MYO16: variants seen among roughly 807,000 people sequenced by gnomAD.
MYO16 encodes the protein myosin XVI.
Under a neutral mutation model 205.3 loss-of-function variants are expected in MYO16, and 94 were observed. That is an observed-to-expected ratio of 0.46 (90% confidence interval 0.39 to 0.54). The LOEUF (loss-of-function observed/expected upper bound fraction) is 0.54. Among genes scored for constraint, MYO16 ranks in the 20% least tolerant of loss-of-function variants. MYO16 has a pLI of 0.00. For missense variants in MYO16, 2,315 were observed against 2,387.5 expected (o/e 0.97, Z 0.63); for synonymous variants, 988 against 954.0 (o/e 1.04, Z -0.66).
Position 108,927,117 on chromosome 13 carries a change from AGAG to A in MYO16, c.1925+16968_1925+16970del, listed in dbSNP as rs139892425. ...GGTGAAGCCATCTGTCAACAACTGA[AGAG>A]AGAGAGAGAGAGAGAGAGACTGTCC... On this transcript the variant is annotated intron_variant, in intron 16 of 34. Transcript: ENST00000457511. 6.1e-4 allele frequency among the ~76,000 whole-genome samples: 77 copies of A among 126,874 alleles called. 1 individual carries two copies. In the East Asian group the frequency reaches 0.013, roughly 22 times the overall value. 83.2% of individuals were successfully genotyped at this position (126,874 alleles called of 152,430 possible).
At chr13:108,741,188 A>C (rs192999465) in intron 4 of MYO16, among the ~76,000 whole-genome samples, 1 of 152,226 alleles carries the variant, frequency 6.6e-6, no homozygotes, top group East Asian at 1.9e-4. Context: ...TCGGTACCTC[A>C]GTTGGAAATG....
Position 108,796,924 on chromosome 13 carries a change from A to AAAAATTAAAATTAAAATT in MYO16, c.741+3295_741+3312dup, listed in dbSNP as rs60743084. Among the ~76,000 whole-genome samples the AAAAATTAAAATTAAAATT allele has an allele frequency of 2.3e-4, 35 of 150,820 alleles. No individual in the cohort carries two copies. The East Asian group carries it at 6.3e-3, about 27-fold the overall frequency. On this transcript the variant is annotated intron_variant, in intron 6 of 34. Transcript: ENST00000457511. ...CCCTAAAACTTAAAGTATAATTTAA[A>AAAAATTAAAATTAAAATT]AAAATTAAAATTAAAATTAAAATTA...
intron 4 of MYO16, among the ~76,000 whole-genome samples, chr13:108,744,065 G>A (rs182852735): frequency 6.6e-6 from 1 of 152,216 alleles, no homozygotes; most frequent in African/African-American, 2.4e-5. Flanking sequence ...CCTGTGAACT[G>A]TGGTAGAAAA....
chr13:108,994,489 A>G (rs936894661), intron 21 of MYO16, among the ~76,000 whole-genome samples: 2 of 152,126 alleles, frequency 1.3e-5, no homozygotes, highest in Non-Finnish European at 2.9e-5. Context: ...GCAAATTTGC[A>G]TGTAATTTTT....
At chr13:108,851,759 C>T (rs1355402191) in intron 10 of MYO16, among the ~76,000 whole-genome samples, 1 of 152,150 alleles carries the variant, frequency 6.6e-6, no homozygotes, top group Non-Finnish European at 1.5e-5. Flanking sequence ...TAGCTGGTCT[C>T]ACCACTCCCG....
intron 34 of MYO16, among the ~76,000 whole-genome samples, chr13:109,204,820 C>T (rs1880533185): frequency 6.6e-6 from 1 of 152,112 alleles, no homozygotes; most frequent in Non-Finnish European, 1.5e-5. Flanking sequence ...ATAGAAGTAC[C>T]CACTTTACAG....
intron 24 of MYO16, chr13:109,048,620 T>C (rs560289417): frequency 4.5e-5 from 15 of 335,768 alleles, no homozygotes; most frequent in African/African-American, 3.2e-4. Context: ...ACTCACTCTA[T>C]CATAAAAGCA....
At chr13:109,061,765 G>A (rs1887602380) in intron 27 of MYO16, among the ~76,000 whole-genome samples, 1 of 152,130 alleles carries the variant, frequency 6.6e-6, no homozygotes, top group African/African-American at 2.4e-5. Context: ...AAGTGTGAAC[G>A]TGTTGGAAAA....
At chr13:108,499,100 A>G in the MYO16 span, among the ~76,000 whole-genome samples, 1 of 152,234 alleles carries the variant, frequency 6.6e-6, no homozygotes, top group East Asian at 1.9e-4. Context: ...TGCTTTCAGA[A>G]CATGGTTGAC....
At chr13:109,194,676 T>A (rs1307062377) in intron 34 of MYO16, among the ~76,000 whole-genome samples, 1 of 152,110 alleles carries the variant, frequency 6.6e-6, no homozygotes, top group Admixed American at 6.6e-5. Context: ...AGAGACTGTG[T>A]CAGAATGGAT....
At chr13:109,077,413 A>C (rs1463092324) in intron 27 of MYO16, among the ~76,000 whole-genome samples, 6 of 152,088 alleles carry the variant, frequency 3.9e-5, no homozygotes, top group Admixed American at 3.9e-4. Flanking sequence ...CCTCAAACTC[A>C]CAGCCTCCAC....
chr13:108,686,491 G>A lies in MYO16; in HGVS notation c.292+20342G>A, dbSNP rs920071779. Among the ~76,000 whole-genome samples, 13 of 152,202 alleles carry A rather than the reference G, an allele frequency of 8.5e-5. 1 individual carries two copies. Among genetic ancestry groups the A allele is most frequent in the Non-Finnish European group, 1.8e-4 (12 of 68,030 alleles). On this transcript the variant is annotated intron_variant, in intron 2 of 34. Transcript: ENST00000457511. The stretch of plus-strand genomic sequence containing the variant: ...AGGAACTGCAATCGGCACATCCAGC[G>A]AAGGAAGCTGTGATGACACCAGGCC...
the MYO16 span, among the ~76,000 whole-genome samples, chr13:108,555,548 C>A: frequency 2.0e-5 from 3 of 152,124 alleles, no homozygotes; most frequent in Non-Finnish European, 4.4e-5. Flanking sequence ...CTAAATCGAG[C>A]TAATTAACAT....
chr13:108,793,701 A>C, intron 6 of MYO16, 61 bp downstream of exon 6: 1 of 1,482,346 alleles, frequency 6.7e-7, no homozygotes, highest in Non-Finnish European at 9.2e-7. Context: ...GATCTATAAA[A>C]CATAGAATTC....
intron 12 of MYO16, among the ~76,000 whole-genome samples, chr13:108,875,803 G>A (rs1879296908): frequency 6.6e-6 from 1 of 152,062 alleles, no homozygotes; most frequent in African/African-American, 2.4e-5. Context: ...GACCCCAGGG[G>A]GTGGAGTCTG....
chr13:108,738,762 G>C (rs1310453678), intron 4 of MYO16, among the ~76,000 whole-genome samples: 1 of 152,132 alleles, frequency 6.6e-6, no homozygotes, highest in Non-Finnish European at 1.5e-5. Flanking sequence ...TTATTATTGT[G>C]TGCAAGTCTA....
chr13:108,972,768 G>A (rs569612888), intron 20 of MYO16, among the ~76,000 whole-genome samples: 7 of 151,890 alleles, frequency 4.6e-5, no homozygotes, highest in Non-Finnish European at 8.8e-5. Context: ...AGAGTGGTTT[G>A]TGGTTTTTTA....
intron 1 of MYO16, among the ~76,000 whole-genome samples, chr13:108,634,726 C>G (rs1010649714): frequency 3.3e-5 from 5 of 152,174 alleles, no homozygotes; most frequent in Admixed American, 2.6e-4. Context: ...GTGATTACCA[C>G]GTCTTCTTCT....
chr13:109,133,159 T>A (rs1488208662), intron 31 of MYO16, among the ~76,000 whole-genome samples: 1 of 152,210 alleles, frequency 6.6e-6, no homozygotes, highest in Non-Finnish European at 1.5e-5. Context: ...TTGCAGCTGG[T>A]TGTAAATCTA....
Sources: allele counts gnomAD v4.1 joint callset (sites outside exome capture counted in the v4.1 genomes callset), GRCh38; gene constraint gnomAD v4.1.1; transcripts MANE v1.5; gene names NCBI Gene and HGNC (gene_info 2026-07-23, HGNC 2026-07-21).